TCF20: variants seen among roughly 807,000 people sequenced by gnomAD.
TCF20 encodes the protein transcription factor 20.
In TCF20, 3 loss-of-function variants were observed where a neutral mutation model predicts 148.6. The observed-to-expected ratio is 0.02, with a 90% confidence interval of 0.01 to 0.05. The LOEUF (loss-of-function observed/expected upper bound fraction) is 0.05. TCF20 is among the 10% of genes least tolerant of loss of function. The pLI, the probability that TCF20 is intolerant of heterozygous loss-of-function variation, is 1.00. For synonymous variants in TCF20, 1,049 were observed against 909.5 expected, an observed-to-expected ratio of 1.15 and a Z score of -2.76; for missense variants, 2,350 against 2,429.3, an observed-to-expected ratio of 0.97 and a Z score of 0.69.
chr22:42,219,642 G>C (rs769822512), intron 1 of TCF20, among the ~76,000 whole-genome samples: 1 of 151,900 alleles, frequency 6.6e-6, no homozygotes, highest in African/African-American at 2.4e-5. Flanking sequence ...GATCACTTGG[G>C]CTCAGGAGTT....
chr22:42,313,347 A>G (rs1292969650), intron 1 of TCF20, among the ~76,000 whole-genome samples: 1 of 152,164 alleles, frequency 6.6e-6, no homozygotes, highest in African/African-American at 2.4e-5. Context: ...GCCTCGTGCA[A>G]TACAGCATCC....
At chr22:42,336,083 G>A (rs1928062411) in intron 1 of TCF20, among the ~76,000 whole-genome samples, 1 of 152,188 alleles carries the variant, frequency 6.6e-6, no homozygotes, top group Non-Finnish European at 1.5e-5. Flanking sequence ...AAACCAGCTG[G>A]CGCCAAAAAA....
chr22:42,215,981 T>A (rs563264007), intron 1 of TCF20, among the ~76,000 whole-genome samples: 1 of 150,850 alleles, frequency 6.6e-6, no homozygotes, highest in Non-Finnish European at 1.5e-5. Flanking sequence ...CAGATTAAAA[T>A]ATGGGGCTGT....
chr22:42,219,383 C>CAAAAAAAAAAAAAAAAAAAAAAA (rs1922140132), intron 1 of TCF20, among the ~76,000 whole-genome samples: 1 of 62,048 alleles, frequency 1.6e-5, no homozygotes, highest in Non-Finnish European at 3.2e-5. Flanking sequence ...AAAAAAAAAG[C>CAAAAAAAAAAAAAAAAAAAAAAA]TAATAGAGAT....
At chr22:42,289,831 C>G (rs952252693) in intron 1 of TCF20, among the ~76,000 whole-genome samples, 1 of 152,188 alleles carries the variant, frequency 6.6e-6, no homozygotes, top group South Asian at 2.1e-4. Flanking sequence ...CCAAAGAGCG[C>G]CCCAAAGGAT....
At chr22:42,184,021 A>G (rs544054865) in intron 2 of TCF20, among the ~76,000 whole-genome samples, 1 of 152,200 alleles carries the variant, frequency 6.6e-6, no homozygotes, top group East Asian at 1.9e-4. Context: ...TGCCCACCTC[A>G]GCCTCTCAAA....
intron 1 of TCF20, among the ~76,000 whole-genome samples, chr22:42,333,901 AG>A (rs1411013632): frequency 6.6e-6 from 1 of 152,220 alleles, no homozygotes; most frequent in Admixed American, 6.5e-5. Context: ...ACAGGACCAT[AG>A]GCACAAGCGC....
At chr22:42,270,198 C>G (rs1371264466) in intron 1 of TCF20, among the ~76,000 whole-genome samples, 141 bp downstream of exon 1, 1 of 151,836 alleles carries the variant, frequency 6.6e-6, no homozygotes, top group East Asian at 1.9e-4. Context: ...AGCCCTGACT[C>G]GGAGTCCAGG....
intron 3 of TCF20, among the ~76,000 whole-genome samples, chr22:42,178,585 C>CTTTTTT (rs71184870): frequency 7.7e-5 from 6 of 78,424 alleles, no homozygotes; most frequent in African/African-American, 9.9e-5. Flanking sequence ...ACAAATAATT[C>CTTTTTT]TTTTTTTTTT....
chr22:42,179,501 AAAAAAAAAAAG>A, intron 3 of TCF20, 97 bp downstream of exon 3: 2 of 731,180 alleles, frequency 2.7e-6, no homozygotes, highest in Non-Finnish European at 4.2e-6. Flanking sequence ...AAAAAAAAAA[AAAAAAAAAAAG>A]AAAAGAAAAG....
intron 2 of TCF20, among the ~76,000 whole-genome samples, chr22:42,198,994 T>C (rs538016282): frequency 2.0e-5 from 3 of 152,232 alleles, no homozygotes; most frequent in East Asian, 3.9e-4. Context: ...CTGCTGTTGA[T>C]TGAATCTAAG....
At chr22:42,177,137 G>T (rs573277927) in intron 3 of TCF20, among the ~76,000 whole-genome samples, 1 of 152,036 alleles carries the variant, frequency 6.6e-6, no homozygotes, top group Non-Finnish European at 1.5e-5. Context: ...AAAAAACGCT[G>T]GGCGCGGTGG....
At chr22:42,271,054 C>T (rs1205659461), upstream of TCF20, among the ~76,000 whole-genome samples, 2 of 151,998 alleles carry the variant, frequency 1.3e-5, no homozygotes, top group Non-Finnish European at 2.9e-5. Context: ...TCTTGCGGCC[C>T]GGGAGGTCCG....
chr22:42,164,357 G>A (rs1275346179), intron 5 of TCF20, among the ~76,000 whole-genome samples: 1 of 151,980 alleles, frequency 6.6e-6, no homozygotes, highest in Non-Finnish European at 1.5e-5. Flanking sequence ...TGGGACTACA[G>A]GCGCCCACCA....
At chr22:42,340,173 A>T (rs1928139593) in intron 1 of TCF20, among the ~76,000 whole-genome samples, 1 of 152,100 alleles carries the variant, frequency 6.6e-6, no homozygotes, top group East Asian at 1.9e-4. Context: ...GCCCAGGGAG[A>T]CGCCTTTCAA....
At chr22:42,254,685 A>G (rs559935536) in intron 1 of TCF20, among the ~76,000 whole-genome samples, 59 of 152,292 alleles carry the variant, frequency 3.9e-4, no homozygotes, top group African/African-American at 1.4e-3. Flanking sequence ...ACATCAGGAA[A>G]CTTCCATAAA....
intron 1 of TCF20, among the ~76,000 whole-genome samples, chr22:42,305,380 CCTT>C (rs1258638282): frequency 2.0e-5 from 3 of 152,146 alleles, no homozygotes; most frequent in South Asian, 2.1e-4. Context: ...CCCCCAGCAT[CCTT>C]CTTGGTCCTC....
At chr22:42,240,891 TC>T (rs997948598) in intron 1 of TCF20, among the ~76,000 whole-genome samples, 3 of 150,874 alleles carry the variant, frequency 2.0e-5, no homozygotes, top group East Asian at 3.9e-4. Context: ...TCTTGCTCTG[TC>T]CCCCCCAGGC....
intron 5 of TCF20, among the ~76,000 whole-genome samples, chr22:42,167,416 G>A (rs1488118922): frequency 6.6e-6 from 1 of 152,212 alleles, no homozygotes; most frequent in Non-Finnish European, 1.5e-5. Context: ...TCCTGAGGTC[G>A]ACACAGAAGT....
Sources: allele counts gnomAD v4.1 joint callset (sites outside exome capture counted in the v4.1 genomes callset), GRCh38; gene constraint gnomAD v4.1.1; transcripts MANE v1.5; gene names NCBI Gene and HGNC (gene_info 2026-07-23, HGNC 2026-07-21).